The following MAGI2 variants were observed in gnomAD, a reference collection of about 807,000 sequenced individuals.
MAGI2 encodes the protein membrane associated guanylate kinase, WW and PDZ domain containing 2.
Under a neutral mutation model 133.3 loss-of-function variants are expected in MAGI2, and 35 were observed. The ratio of observed to expected loss-of-function variants is 0.26; its 90% CI spans 0.20 to 0.35. The LOEUF (loss-of-function observed/expected upper bound fraction) is 0.35, where lower values mean the gene tolerates loss of function less well. Among genes scored for constraint, MAGI2 ranks in the 10% least tolerant of loss-of-function variants. The pLI is 1.00. For missense variants in MAGI2, 1,636 were observed against 1,863.4 expected, an observed-to-expected ratio of 0.88 and a Z score of 2.25; for synonymous variants, 729 against 710.6, an observed-to-expected ratio of 1.03 and a Z score of -0.41.
chr7:78,436,850 T>C (rs921630583), intron 6 of MAGI2, among the ~76,000 whole-genome samples: 1 of 152,110 alleles, frequency 6.6e-6, no homozygotes, highest in African/African-American at 2.4e-5. Context: ...CAGATCCAAA[T>C]AGTCTGTTCT....
chr7:78,435,779 C>T (rs904984513), intron 6 of MAGI2, among the ~76,000 whole-genome samples: 2 of 152,048 alleles, frequency 1.3e-5, no homozygotes, highest in Admixed American at 1.3e-4. Context: ...AAATCTGGAG[C>T]CCAGAAAACA....
At chr7:78,508,035 G>A (rs942256645) in intron 4 of MAGI2, among the ~76,000 whole-genome samples, 1 of 152,156 alleles carries the variant, frequency 6.6e-6, no homozygotes, top group East Asian at 1.9e-4. Context: ...TCTCTCTTAG[G>A]TTCTGGTAGC....
chr7:78,733,017 T>C (rs1482981366), intron 2 of MAGI2, among the ~76,000 whole-genome samples: 2 of 152,086 alleles, frequency 1.3e-5, no homozygotes, highest in Non-Finnish European at 2.9e-5. Context: ...AGTAAGAGCC[T>C]TAAGGGGCTG....
chr7:79,023,265 G>C (rs1278913497), intron 1 of MAGI2, among the ~76,000 whole-genome samples: 2 of 151,936 alleles, frequency 1.3e-5, no homozygotes, highest in African/African-American at 4.8e-5. Context: ...TACAGAAAAG[G>C]CATTAAATAA....
At chr7:79,096,111 A>G (rs1255518756) in intron 1 of MAGI2, among the ~76,000 whole-genome samples, 2 of 152,150 alleles carry the variant, frequency 1.3e-5, no homozygotes, top group South Asian at 2.1e-4. Context: ...ACTGTGCTGT[A>G]GGAGCCTGAC....
chr7:78,636,833 CA>C (rs1343191226), intron 2 of MAGI2, among the ~76,000 whole-genome samples: 4 of 151,696 alleles, frequency 2.6e-5, no homozygotes, highest in Non-Finnish European at 5.9e-5. Flanking sequence ...CAAACAAAAA[CA>C]ACACACAAAA....
At chr7:78,782,635 A>AT (rs928431230) in intron 2 of MAGI2, among the ~76,000 whole-genome samples, 2 of 152,068 alleles carry the variant, frequency 1.3e-5, no homozygotes, top group African/African-American at 4.8e-5. Flanking sequence ...GTGAGAAAAG[A>AT]TTTGAAGCCA....
rs111395264 is a variant in MAGI2, at chr7:78,269,609, C to T, written c.1409-13028G>A. On this transcript the variant is annotated intron_variant, in intron 9 of 21. Coordinates refer to ENST00000354212, the MANE Select transcript of MAGI2 (RefSeq NM_012301.4). The stretch of plus-strand genomic sequence containing the variant: ...TTGAGAAGTGGCTATTCATATCCTT[C>T]GCCCACTTTTTGATGGGGTTGTTTG... Among the ~76,000 whole-genome samples, 1,510 of 152,094 alleles carry T rather than the reference C, an allele frequency of 9.9e-3. 23 individuals are homozygous for T. Among genetic ancestry groups the T allele is most frequent in the African/African-American group, 0.033 (1,381 of 41,494 alleles).
intron 6 of MAGI2, among the ~76,000 whole-genome samples, chr7:78,397,746 C>G (rs1029385422): frequency 6.6e-6 from 1 of 152,090 alleles, no homozygotes; most frequent in Admixed American, 6.6e-5. Flanking sequence ...TCGCTTCTCA[C>G]ATGACTTCAC....
At chr7:79,075,622 G>C (rs866875117) in intron 1 of MAGI2, among the ~76,000 whole-genome samples, 47 of 152,120 alleles carry the variant, frequency 3.1e-4, no homozygotes, top group African/African-American at 1.1e-3. Context: ...AATTAGCCAT[G>C]CATGGTGGTG....
intron 3 of MAGI2, among the ~76,000 whole-genome samples, chr7:78,573,333 AATATAT>A (rs1248899433): frequency 7.1e-5 from 4 of 56,582 alleles, no homozygotes; most frequent in Middle Eastern, 5.8e-3. Context: ...TATATATATA[AATATAT>A]ATATATAGAG....
At chr7:78,977,527 G>T (rs564364141) in intron 2 of MAGI2, among the ~76,000 whole-genome samples, 1 of 95,976 alleles carries the variant, frequency 1.0e-5, no homozygotes, top group African/African-American at 3.5e-5. Flanking sequence ...AAGAAAGAAA[G>T]AGCAAAGACC....
chr7:78,647,203 G>A (rs564413090), intron 2 of MAGI2, among the ~76,000 whole-genome samples: 2 of 152,032 alleles, frequency 1.3e-5, no homozygotes, highest in African/African-American at 4.8e-5. Flanking sequence ...AGAGTGAACA[G>A]GCAAGTGAAC....
chr7:79,187,692 G>A (rs569146240), intron 1 of MAGI2, among the ~76,000 whole-genome samples: 27 of 151,646 alleles, frequency 1.8e-4, no homozygotes, highest in South Asian at 1.2e-3. Context: ...AAAATTTTAC[G>A]GATTTATGGT....
chr7:78,196,183 T>C (rs1271228906), intron 11 of MAGI2, among the ~76,000 whole-genome samples: 8 of 152,028 alleles, frequency 5.3e-5, no homozygotes, highest in Non-Finnish European at 4.4e-5. Flanking sequence ...TTCCTTCCCC[T>C]CTCTCATTTC....
At chr7:78,293,968 A>G (rs1411241517) in intron 9 of MAGI2, among the ~76,000 whole-genome samples, 1 of 152,134 alleles carries the variant, frequency 6.6e-6, no homozygotes, top group Non-Finnish European at 1.5e-5. Context: ...CAGGAGATAC[A>G]CTTAATGTAA....
At position 79,359,919 on chromosome 7, in the gene MAGI2, C is replaced by T. The variant is rs993846479; in HGVS notation, c.301+93101G>A. ...TCATTTAATTTTATATAAACATGCT[C>T]TTTGAGGCTGAAGCAAATCTGACTG... is the stretch of plus-strand genomic sequence containing the variant. On this transcript the variant is annotated intron_variant, in intron 1 of 21. Coordinates refer to ENST00000354212, the MANE Select transcript of MAGI2 (RefSeq NM_012301.4). Among the ~76,000 whole-genome samples the T allele has an allele frequency of 9.2e-5, 14 of 152,230 alleles. No homozygotes were observed. In the East Asian group the frequency reaches 2.5e-3, roughly 27 times the overall value.
chr7:78,409,686 C>T (rs1797696231), intron 6 of MAGI2, among the ~76,000 whole-genome samples: 1 of 151,810 alleles, frequency 6.6e-6, no homozygotes. Flanking sequence ...TGTTAAATGA[C>T]AAGATGAATG....
At chr7:78,875,996 A>T (rs1274991636) in intron 2 of MAGI2, among the ~76,000 whole-genome samples, 2 of 152,172 alleles carry the variant, frequency 1.3e-5, no homozygotes, top group Admixed American at 1.3e-4. Context: ...GAACAGAGAG[A>T]AACATGATAT....
Sources: allele counts gnomAD v4.1 joint callset (sites outside exome capture counted in the v4.1 genomes callset), GRCh38; gene constraint gnomAD v4.1.1; transcripts MANE v1.5; gene names NCBI Gene and HGNC (gene_info 2026-07-23, HGNC 2026-07-21).